DPP10: variants seen among roughly 807,000 people sequenced by gnomAD.
The protein encoded by DPP10 is dipeptidyl peptidase like 10, also known as inactive dipeptidyl peptidase 10.
A neutral mutation model predicts 120.9 loss-of-function variants in DPP10; 33 were observed. The observed-to-expected ratio is 0.27, with a 90% CI of 0.21 to 0.37. The LOEUF is 0.37. Ranked by LOEUF, DPP10 falls within the 10% of genes least tolerant of loss-of-function variation. DPP10 has a pLI of 1.00. For synonymous variants in DPP10, 337 were observed against 326.1 expected (o/e 1.03, Z -0.36); for missense variants, 816 against 942.8 (o/e 0.87, Z 1.76).
At chr2:115,006,019 T>C (rs891517055) in intron 1 of DPP10, among the ~76,000 whole-genome samples, 7 of 152,300 alleles carry the variant, frequency 4.6e-5, no homozygotes, top group African/African-American at 1.7e-4. Flanking sequence ...AGTGGATCTC[T>C]TGGCAGAAAC....
At chr2:115,769,862 C>A (rs970470423) in intron 13 of DPP10, among the ~76,000 whole-genome samples, 7 of 151,884 alleles carry the variant, frequency 4.6e-5, no homozygotes, top group African/African-American at 1.4e-4. Flanking sequence ...ACTATTTTGG[C>A]CCCTAAAATA....
chr2:115,246,275 C>T lies in DPP10; in HGVS notation c.61-62964C>T, dbSNP rs546632039. 7.2e-5 allele frequency among the ~76,000 whole-genome samples: 11 copies of T among 152,104 alleles called. No homozygotes were observed. The South Asian group carries it at 1.9e-3, about 26-fold the overall frequency. ...AGGACTGTGCTACATACTGGCTAGA[C>T]GACAATAATGAAGCTCATTGAAAAT... is the stretch of plus-strand genomic sequence containing the variant. On this transcript the variant is annotated intron_variant, in intron 1 of 25. Transcript: ENST00000410059.
chr2:115,623,031 G>A (rs944644255), intron 5 of DPP10, among the ~76,000 whole-genome samples: 1 of 151,856 alleles, frequency 6.6e-6, no homozygotes, highest in Non-Finnish European at 1.5e-5. Flanking sequence ...ATTTTTAGTA[G>A]AGACGGGCTT....
At chr2:115,349,853 G>A (rs1355495513) in intron 3 of DPP10, among the ~76,000 whole-genome samples, 1 of 151,904 alleles carries the variant, frequency 6.6e-6, no homozygotes, top group Non-Finnish European at 1.5e-5. Context: ...CAGTGCACAG[G>A]GAGCTACTTC....
At chr2:115,563,230 C>A (rs902604790) in intron 5 of DPP10, among the ~76,000 whole-genome samples, 2 of 152,058 alleles carry the variant, frequency 1.3e-5, no homozygotes, top group African/African-American at 4.8e-5. Flanking sequence ...TTTTCCTAAC[C>A]CTGACTCATG....
chr2:115,773,195 C>T (rs1181266292), intron 13 of DPP10, among the ~76,000 whole-genome samples: 1 of 152,096 alleles, frequency 6.6e-6, no homozygotes, highest in Non-Finnish European at 1.5e-5. Context: ...TTTTTAAGCA[C>T]TACAATATTT....
chr2:115,542,388 A>G (rs898047361), intron 5 of DPP10, among the ~76,000 whole-genome samples: 4 of 151,950 alleles, frequency 2.6e-5, no homozygotes, highest in African/African-American at 9.7e-5. Flanking sequence ...CTTAAGTTCC[A>G]TCCACATTGT....
At chr2:115,156,511 T>C (rs928408515) in intron 1 of DPP10, among the ~76,000 whole-genome samples, 1 of 152,202 alleles carries the variant, frequency 6.6e-6, no homozygotes, top group African/African-American at 2.4e-5. Flanking sequence ...TTCCAAAAAT[T>C]AGTCAAGATC....
At chr2:115,603,575 T>TTG (rs1553459849) in intron 5 of DPP10, among the ~76,000 whole-genome samples, 11 of 146,806 alleles carry the variant, frequency 7.5e-5, no homozygotes, top group East Asian at 5.9e-4. Context: ...TTTTTGTTTT[T>TTG]TTTTTTTTTG....
intron 1 of DPP10, among the ~76,000 whole-genome samples, chr2:114,995,813 CAATT>C (rs1701044170): frequency 6.6e-6 from 1 of 152,138 alleles, no homozygotes; most frequent in South Asian, 2.1e-4. Flanking sequence ...CTGCATCGAT[CAATT>C]AAGTAATCTC....
At chr2:115,379,316 C>T (rs1221216099) in intron 3 of DPP10, among the ~76,000 whole-genome samples, 3 of 152,148 alleles carry the variant, frequency 2.0e-5, no homozygotes, top group Admixed American at 6.5e-5. Context: ...TCTATTTCTT[C>T]TAGATTTTCT....
intron 1 of DPP10, among the ~76,000 whole-genome samples, chr2:114,580,414 T>C (rs1385617922): frequency 6.6e-6 from 1 of 152,252 alleles, no homozygotes; most frequent in African/African-American, 2.4e-5. Context: ...CTATCCACCC[T>C]GTCTGGAAAG....
intron 1 of DPP10, among the ~76,000 whole-genome samples, chr2:115,028,751 C>A (rs996083763): frequency 2.0e-5 from 3 of 152,056 alleles, no homozygotes; most frequent in African/African-American, 7.2e-5. Flanking sequence ...GTGTGGGGTG[C>A]ATAGATGTCT....
At chr2:114,975,390 A>G (rs976283153) in intron 1 of DPP10, among the ~76,000 whole-genome samples, 1 of 152,122 alleles carries the variant, frequency 6.6e-6, no homozygotes, top group Non-Finnish European at 1.5e-5. Context: ...AAATGTTTTA[A>G]TGTTTTACTC....
At chr2:114,821,646 G>A (rs575563692) in intron 1 of DPP10, among the ~76,000 whole-genome samples, 2 of 152,196 alleles carry the variant, frequency 1.3e-5, no homozygotes, top group African/African-American at 4.8e-5. Flanking sequence ...AAAACAAAAA[G>A]GAAGTTAGTT....
At position 115,753,170 on chromosome 2, in the gene DPP10, C is replaced by T; in HGVS notation, c.951-4C>T. The T allele has an allele frequency of 6.2e-7, 1 of 1,606,466 alleles. No individual in the cohort carries two copies. The highest frequency in any genetic ancestry group is 8.5e-7 in the Non-Finnish European group (1 of 1,175,600). On this transcript the variant is annotated splice_polypyrimidine_tract_variant and splice_region_variant and intron_variant, in intron 10 of 25. Transcript: ENST00000410059. ...CATACATTTTAATTTTGTTTCCAAA[C>T]TAGAGAATACTATATCACTATGGTT...
chr2:114,602,469 A>G (rs1003262582), intron 1 of DPP10, among the ~76,000 whole-genome samples: 1 of 152,020 alleles, frequency 6.6e-6, no homozygotes, highest in Non-Finnish European at 1.5e-5. Flanking sequence ...CACTATTATT[A>G]TCATCATCAT....
At chr2:115,274,393 G>T (rs185980736) in intron 1 of DPP10, among the ~76,000 whole-genome samples, 147 of 152,076 alleles carry the variant, frequency 9.7e-4, no homozygotes, top group African/African-American at 3.3e-3. Context: ...TTTCCCTGGT[G>T]AATATTTAGG....
intron 1 of DPP10, among the ~76,000 whole-genome samples, chr2:114,522,274 G>A (rs1306494766): frequency 2.0e-5 from 3 of 151,978 alleles, no homozygotes; most frequent in East Asian, 1.9e-4. Context: ...GTGAGCCACC[G>A]CGCCCGGCCT....
Sources: allele counts gnomAD v4.1 joint callset (sites outside exome capture counted in the v4.1 genomes callset), GRCh38; gene constraint gnomAD v4.1.1; transcripts MANE v1.5; gene names NCBI Gene and HGNC (gene_info 2026-07-23, HGNC 2026-07-21).